CLU: variants seen among roughly 807,000 people sequenced by gnomAD.
CLU encodes the protein clusterin.
Under a neutral mutation model 46.4 loss-of-function variants are expected in CLU, and 25 were observed. The observed-to-expected ratio is 0.54, with a 90% confidence interval of 0.39 to 0.75. The LOEUF is 0.75. CLU is among the 30% of genes least tolerant of loss of function. CLU has a pLI of 0.00. For synonymous variants in CLU, 235 were observed against 235.1 expected, an observed-to-expected ratio of 1.00 and a Z score of 0.00; for missense variants, 504 against 592.1, an observed-to-expected ratio of 0.85 and a Z score of 1.54.
chr8:27,606,344 C>G lies in CLU; in HGVS notation c.417+10G>C, dbSNP rs932580578. ...TCAGAGCCTTGGCCACTCATGTGTC[C>G]CCTTTTCACCTGGCGGCCAACCAGG... On this transcript the variant is annotated intron_variant, in intron 4 of 8. Transcript: ENST00000316403. The G allele has an allele frequency of 6.2e-7, 1 of 1,613,676 alleles. No homozygotes were observed. Among genetic ancestry groups the G allele is most frequent in the African/African-American group, 1.3e-5 (1 of 74,942 alleles).
At position 27,599,384 on chromosome 8, in the gene CLU, A is replaced by G; in HGVS notation, c.1164+396T>C. ...TTTTATCACTGGCAGAGAGTGATGTACTAATTCATAAGCCATTTTACATGC... is the reference window on the plus strand; with the variant it reads ...TTTTATCACTGGCAGAGAGTGATGTGCTAATTCATAAGCCATTTTACATGC... On this transcript the variant is annotated intron_variant, in intron 7 of 8. Coordinates refer to ENST00000316403, the MANE Select transcript of CLU (RefSeq NM_001831.4). The surrounding 1 kb of genome is among the most constrained non-coding windows in gnomAD (Gnocchi z 4.0). The G allele has an allele frequency of 3.9e-6, 1 of 256,854 alleles. No individual in the cohort carries two copies. Among genetic ancestry groups the G allele is most frequent in the South Asian group, 4.9e-5 (1 of 20,226 alleles). The allele number at this position is 256,854 out of a possible 1,614,324, so 15.9% of individuals were successfully genotyped here.
Position 27,605,106 on chromosome 8 carries a change from G to C in CLU, c.647C>G (p.Pro216Arg). The change falls in exon 5 of 9, where the codon CCT (proline) becomes CGT (arginine). Residue 216 changes from proline to arginine, a missense_variant. Around this residue, in one of 3 missense-constraint regions of CLU, gnomAD observed 428 missense variants for 484.0 expected, o/e 0.88. Coordinates refer to ENST00000316403, the MANE Select transcript of CLU (RefSeq NM_001831.4). ...GCGGGACTTGGGAAAGAAGAAGTGA[G>C]GCCTCCGGTGGGGCAGGCTGAAGGG... The part of the protein sequence containing the change: ...YLPFSLPHRR[P>R]HFFFPKSRIV... The C allele has an allele frequency of 6.2e-7, 1 of 1,614,174 alleles. No individual in the cohort carries two copies. The highest frequency in any genetic ancestry group is 2.2e-5 in the East Asian group (1 of 44,872).
chr8:27,603,821 A>G (rs1438443179), intron 6 of CLU, among the ~76,000 whole-genome samples: 1 of 152,166 alleles, frequency 6.6e-6, no homozygotes, highest in Non-Finnish European at 1.5e-5. Context: ...TCAGAGGGTC[A>G]TTCTGAGGAA....
At position 27,610,611 on chromosome 8, in the gene CLU, C is replaced by G; in HGVS notation, c.-29-11G>C. On this transcript the variant is annotated splice_polypyrimidine_tract_variant and intron_variant, in intron 1 of 8. Transcript: ENST00000316403. ...AGTCTTTGCACGCCTCTGCAGAGAA[C>G]AGGAGACCATCATGGGAACAGCTAG... 6.3e-7 allele frequency: 1 copy of G among 1,593,872 alleles called. No individual in the cohort carries two copies. The highest frequency in any genetic ancestry group is 8.6e-7 in the Non-Finnish European group (1 of 1,161,706).
rs9331911 is a variant in CLU at position 27,605,620 on chromosome 8, A to G, written c.418-285T>C. Among the ~76,000 whole-genome samples, 1,289 of 152,362 alleles carry G rather than the reference A, an allele frequency of 8.5e-3. 51 individuals are homozygous for G. The East Asian group carries it at 0.14, about 17-fold the overall frequency. On this transcript the variant is annotated intron_variant, in intron 4 of 8. Transcript: ENST00000316403. The stretch of plus-strand genomic sequence containing the variant: ...CATTCACTGTCATCTTTGGCCACCA[A>G]TGATATCCACCCCCGCTCGGCTAAG...
chr8:27,603,352 TA>T (rs1412154667), intron 6 of CLU, among the ~76,000 whole-genome samples: 2 of 152,198 alleles, frequency 1.3e-5, no homozygotes, highest in African/African-American at 2.4e-5. Context: ...CAGTGGCTTC[TA>T]AAATTATAGG....
intron 1 of CLU, chr8:27,612,088 GCA>G (rs1800940082): frequency 2.2e-5 from 7 of 323,138 alleles, no homozygotes; most frequent in South Asian, 1.9e-4. Flanking sequence ...TCAGCAGCGG[GCA>G]CAGAGTCTGC....
At position 27,598,041 on chromosome 8, in the gene CLU, A is replaced by C; in HGVS notation, c.*200T>G. 1 of 704,348 alleles carries C rather than the reference A, an allele frequency of 1.4e-6. No homozygotes were observed. Among genetic ancestry groups the C allele is most frequent in the South Asian group, 1.5e-5 (1 of 66,670 alleles). 43.6% of individuals were successfully genotyped at this position (704,348 alleles called of 1,614,324 possible). A position where few individuals can be genotyped will look rare whatever the true frequency, so the allele number is the denominator to read the frequency against. On this transcript the variant is annotated 3_prime_UTR_variant, in exon 9 of 9. Transcript: ENST00000316403. The stretch of plus-strand genomic sequence containing the variant: ...ATTGAATTAGTTGCATGCAGGAGCA[A>C]TTCTGTTCTTCCCATGAGCAGCAGA...
At chr8:27,611,051 A>G in intron 1 of CLU, 1 of 384,888 alleles carries the variant, frequency 2.6e-6, no homozygotes, top group Non-Finnish European at 5.2e-6. Context: ...CCCAGAGACC[A>G]GCCACGTCCT....
rs9331903 is a variant in CLU, at chr8:27,608,267, G to A, written c.246+671C>T. Among the ~76,000 whole-genome samples the A allele has an allele frequency of 4.9e-3, 751 of 152,272 alleles. 4 individuals are homozygous for A. The highest frequency in any genetic ancestry group is 0.018 in the African/African-American group (733 of 41,556). ...CATGGAGTTACACAGGTTTCTTTAC[G>A]GCAGAACTTCTCAGAGCCTTTGAAA... On this transcript the variant is annotated intron_variant, in intron 3 of 8. Coordinates refer to ENST00000316403, the MANE Select transcript of CLU (RefSeq NM_001831.4).
intron 6 of CLU, among the ~76,000 whole-genome samples, chr8:27,602,181 G>A (rs1164081025): frequency 6.6e-6 from 1 of 152,166 alleles, no homozygotes; most frequent in Admixed American, 6.5e-5. Context: ...TGTCACCCAG[G>A]GAGATTTAGC....
chr8:27,599,945 G>T lies in CLU; in HGVS notation c.999C>A (p.Val333=). Residue 333 remains valine, a synonymous_variant, in exon 7 of 9, where the codon GTC becomes GTA. Transcript: ENST00000316403. This position sits in a 1 kb window ranked among gnomAD's most constrained non-coding sequence, Gnocchi z 4.0. ...LRRELDESLQ[V]AERLTRKYNE... is the part of the protein sequence containing the mutation. ...TGTATTTCCTGGTCAACCTCTCAGC[G>T]ACCTGGAGGGATTCGTCGAGCTCCC... 6.2e-7 allele frequency: 1 copy of T among 1,614,196 alleles called. No individual in the cohort carries two copies. Among genetic ancestry groups the T allele is most frequent in the South Asian group, 1.1e-5 (1 of 91,082 alleles).
At position 27,597,743 on chromosome 8, in the gene CLU, A is replaced by G. The variant is rs1269164820; in HGVS notation, c.*498T>C. 1 of 454,836 alleles carries G rather than the reference A, an allele frequency of 2.2e-6. No homozygotes were observed. The highest frequency in any genetic ancestry group is 4.4e-6 in the Non-Finnish European group (1 of 227,346). The allele number at this position is 454,836 out of a possible 1,614,324, so 28.2% of individuals were successfully genotyped here. ...CAGAAAAGCTTCCATTTGCAGCAAT[A>G]TATTTTAGTTGGCTTGTTGAAACAC... On this transcript the variant is annotated 3_prime_UTR_variant, in exon 9 of 9. Transcript: ENST00000316403.
At chr8:27,610,314 G>C (rs1800899311) in intron 2 of CLU, among the ~76,000 whole-genome samples, 161 bp downstream of exon 2, 1 of 152,216 alleles carries the variant, frequency 6.6e-6, no homozygotes, top group Non-Finnish European at 1.5e-5. Flanking sequence ...CGGAGCTGAG[G>C]CTCAGAGTGG....
rs1221611038 is a variant in CLU at position 27,605,114 on chromosome 8, G to C, written c.639C>G (p.His213Gln). 1 of 1,614,058 alleles carries C rather than the reference G, an allele frequency of 6.2e-7. No individual in the cohort carries two copies. Among genetic ancestry groups the C allele is most frequent in the African/African-American group, 1.3e-5 (1 of 74,916 alleles). Residue 213 changes from histidine (H) to glutamine (Q), a missense_variant, in exon 5 of 9, where the codon CAC becomes CAG. His to Gln is a conservative substitution (Grantham distance 24). Transcript: ENST00000316403. ...TYHYLPFSLP[H>Q]RRPHFFFPKS... ...TGGGAAAGAAGAAGTGAGGCCTCCG[G>C]TGGGGCAGGCTGAAGGGCAGGTAGT...
intron 6 of CLU, among the ~76,000 whole-genome samples, chr8:27,603,159 C>G (rs1269838083): frequency 6.6e-6 from 1 of 152,174 alleles, no homozygotes; most frequent in Non-Finnish European, 1.5e-5. Flanking sequence ...CATAAGAGGT[C>G]CAATCTGGGC....
intron 6 of CLU, among the ~76,000 whole-genome samples, chr8:27,600,644 C>A (rs1800703230): frequency 6.6e-6 from 1 of 152,200 alleles, no homozygotes; most frequent in Non-Finnish European, 1.5e-5. Flanking sequence ...GTTGACCACA[C>A]TTCCAAAAGC....
chr8:27,608,663 A>T (rs1800864120), intron 3 of CLU: 1 of 566,278 alleles, frequency 1.8e-6, no homozygotes, highest in East Asian at 3.0e-5. Context: ...TGGAACTAGC[A>T]TGTGATCAGG....
In CLU at chr8:27,597,446, C is replaced by T. The variant is rs1585249110; in HGVS notation, c.*795G>A. ...AACCGGCGGTGGACAGGAAATGCCA[C>T]AGTCAAGAAGATGCCCCTGGGATGC... On this transcript the variant is annotated 3_prime_UTR_variant, in exon 9 of 9. Coordinates refer to ENST00000316403, the MANE Select transcript of CLU (RefSeq NM_001831.4). 1 of 454,328 alleles carries T rather than the reference C, an allele frequency of 2.2e-6. No homozygotes were observed. 28.1% of individuals were successfully genotyped at this position (454,328 alleles called of 1,614,324 possible). A position where few individuals can be genotyped will look rare whatever the true frequency, so the allele number is the denominator to read the frequency against.
Sources: gnomAD v4.1 joint callset for allele counts (sites outside exome capture counted in the v4.1 genomes callset) on GRCh38, gnomAD v4.1.1 for gene constraint, gnomAD v4.1.1 regional missense constraint, Gnocchi (gnomAD v3.1) non-coding constraint, MANE v1.5 for transcripts, NCBI Gene and HGNC (gene_info 2026-07-23, HGNC 2026-07-21) for gene names.